The following PLEKHM1 variants were observed in gnomAD, a reference collection of about 807,000 sequenced individuals.
PLEKHM1 encodes pleckstrin homology domain-containing family M member 1.
In PLEKHM1, 28 loss-of-function variants were observed where a neutral mutation model predicts 94.3. The observed-to-expected ratio is 0.30, with a 90% CI of 0.22 to 0.41. The LOEUF (loss-of-function observed/expected upper bound fraction) is 0.41, where lower values mean the gene tolerates loss of function less well. Among genes scored for constraint, PLEKHM1 ranks in the 10% least tolerant of loss-of-function variants. PLEKHM1 has a pLI of 1.00. For missense variants in PLEKHM1, 907 were observed against 1,358.6 expected (o/e 0.67, Z 5.22); for synonymous variants, 424 against 581.2 (o/e 0.73, Z 3.89).
chr17:45,448,595 G>A (rs1048522178), intron 8 of PLEKHM1, among the ~76,000 whole-genome samples: 4 of 152,184 alleles, frequency 2.6e-5, no homozygotes, highest in African/African-American at 7.2e-5. Flanking sequence ...GGGTGGATGG[G>A]TGGGTGAATA....
chr17:45,453,438 G>A lies in PLEKHM1; in HGVS notation c.2414C>T (p.Thr805Ile). 6.2e-7 allele frequency: 1 copy of A among 1,613,084 alleles called. No homozygotes were observed. Among genetic ancestry groups the A allele is most frequent in the Non-Finnish European group, 8.5e-7 (1 of 1,179,520 alleles). The stretch of plus-strand genomic sequence containing the variant: ...CTGCAGCAGGAAGCCATTCTCCCGG[G>A]TGGCAAATTTCAGCACCTCCTGACA... ...ENCQEVLKFA[T>I]RENGFLLQYL... is the part of the protein sequence containing the mutation. The change falls in exon 7 of 12, where the codon ACC (threonine) becomes ATC (isoleucine). Residue 805 changes from threonine (T) to isoleucine (I), a missense_variant. Around this residue, in one of 3 missense-constraint regions of PLEKHM1, gnomAD observed 254 missense variants for 451.1 expected, o/e 0.56. Transcript: ENST00000430334. The surrounding 1 kb of genome is among the most constrained non-coding windows in gnomAD (Gnocchi z 4.1).
chr17:45,469,712 A>G (rs776781405), intron 4 of PLEKHM1, among the ~76,000 whole-genome samples: 10 of 152,200 alleles, frequency 6.6e-5, no homozygotes, highest in African/African-American at 1.7e-4. Context: ...GCTCTGCACC[A>G]TCTTAACCCC....
At chr17:45,464,737 C>T (rs902242236) in intron 5 of PLEKHM1, among the ~76,000 whole-genome samples, 3 of 152,220 alleles carry the variant, frequency 2.0e-5, no homozygotes, top group Non-Finnish European at 4.4e-5. Context: ...TCCCCTGTAG[C>T]TGGCACAGAG....
At chr17:45,442,057 C>T (rs549237479) in intron 9 of PLEKHM1, among the ~76,000 whole-genome samples, 12 of 152,146 alleles carry the variant, frequency 7.9e-5, no homozygotes, top group African/African-American at 2.4e-4. Flanking sequence ...TCCCGGCTGT[C>T]GGGAGGGACA....
chr17:45,460,626 G>T (rs1438716416), intron 5 of PLEKHM1, among the ~76,000 whole-genome samples: 1 of 152,126 alleles, frequency 6.6e-6, no homozygotes, highest in Non-Finnish European at 1.5e-5. Context: ...GCGCAATCAG[G>T]GCTCATTGCA....
intron 9 of PLEKHM1, 150 bp from the exon 10 acceptor site, chr17:45,440,376 G>A (rs2050412249): frequency 1.3e-6 from 1 of 745,398 alleles, no homozygotes; most frequent in Admixed American, 2.0e-5. Context: ...CGGCCTGCCT[G>A]GGCTTGGGGC....
At chr17:45,452,589 T>C (rs1210068538) in intron 7 of PLEKHM1, among the ~76,000 whole-genome samples, 1 of 151,706 alleles carries the variant, frequency 6.6e-6, no homozygotes, top group South Asian at 2.1e-4. Context: ...AGGGTTGTTA[T>C]GAGACTTAAA....
intron 1 of PLEKHM1, among the ~76,000 whole-genome samples, chr17:45,486,191 T>C (rs1598013404): frequency 1.4e-5 from 2 of 139,110 alleles, no homozygotes; most frequent in African/African-American, 5.4e-5. Context: ...CACTCCAGCC[T>C]AGGCGACAGA....
chr17:45,475,581 A>G lies in PLEKHM1; in HGVS notation c.442T>C (p.Tyr148His). The change falls in exon 4 of 12, where the codon TAC becomes CAC. Residue 148 changes from tyrosine to histidine, a missense_variant. Tyr to His is a moderately conservative substitution (Grantham distance 83). Transcript: ENST00000430334. ...CGGAGCAGGGCGGTGGGCTGGTAGT[A>G]CTCATGCAAGCGGGCCTGCTCCTGC... ...LLQEQARLHE[Y>H]YQPTALLRDA... The G allele has an allele frequency of 1.9e-6, 3 of 1,613,792 alleles. No individual in the cohort carries two copies. Among genetic ancestry groups the G allele is most frequent in the Non-Finnish European group, 2.5e-6 (3 of 1,179,828 alleles).
chr17:45,462,020 A>G (rs2051166210), intron 5 of PLEKHM1, among the ~76,000 whole-genome samples: 1 of 152,186 alleles, frequency 6.6e-6, no homozygotes, highest in Admixed American at 6.5e-5. Context: ...TGTTTTGTTA[A>G]GTGCCACTAA....
At chr17:45,461,404 T>C (rs2051148626) in intron 5 of PLEKHM1, among the ~76,000 whole-genome samples, 2 of 152,216 alleles carry the variant, frequency 1.3e-5, no homozygotes, top group African/African-American at 4.8e-5. Context: ...AAAGTCTAGT[T>C]TATCTATTTT....
At chr17:45,441,294 T>C (rs1027542854) in intron 9 of PLEKHM1, among the ~76,000 whole-genome samples, 1 of 152,076 alleles carries the variant, frequency 6.6e-6, no homozygotes, top group African/African-American at 2.4e-5. Context: ...GCATCTGGAA[T>C]GGGGGCTTGG....
At chr17:45,470,412 T>C (rs1300737427) in intron 4 of PLEKHM1, among the ~76,000 whole-genome samples, 28 of 152,290 alleles carry the variant, frequency 1.8e-4, no homozygotes, top group African/African-American at 6.3e-4. Flanking sequence ...GTGGATCACC[T>C]GAGGCCAGGA....
Position 45,453,887 on chromosome 17 carries a change from G to C in PLEKHM1, c.1965C>G (p.Leu655=), listed in dbSNP as rs563592720. ...GCTCCGAGAGCAGGTCTGAGGGAGAGAGGCAGCCCTGGGGCGCCTCGGGGG... is the reference window on the plus strand; with the variant it reads ...GCTCCGAGAGCAGGTCTGAGGGAGACAGGCAGCCCTGGGGCGCCTCGGGGG... ...EEPPEAPQGC[L]SPSDLLSEPA... The change falls in exon 7 of 12, where the codon CTC becomes CTG. Residue 655 remains leucine (L), a synonymous_variant. Coordinates refer to ENST00000430334, the MANE Select transcript of PLEKHM1 (RefSeq NM_014798.3). This position sits in a 1 kb window ranked among gnomAD's most constrained non-coding sequence, Gnocchi z 4.1. The C allele has an allele frequency of 4.3e-6, 7 of 1,613,804 alleles. No individual in the cohort carries two copies. The African/African-American group carries it at 6.7e-5, about 15-fold the overall frequency.
downstream of PLEKHM1, among the ~76,000 whole-genome samples, chr17:45,434,879 G>A (rs973789028): frequency 3.4e-5 from 5 of 145,400 alleles, no homozygotes; most frequent in Admixed American, 7.1e-5. Context: ...TGAGGCAGGA[G>A]AATTGCTTGA....
chr17:45,443,760 C>T (rs547584786), intron 9 of PLEKHM1, among the ~76,000 whole-genome samples: 32 of 152,284 alleles, frequency 2.1e-4, no homozygotes, highest in African/African-American at 7.7e-4. Flanking sequence ...ATTTCACCAC[C>T]TGGTTAGGTG....
intron 9 of PLEKHM1, among the ~76,000 whole-genome samples, chr17:45,442,373 G>A (rs1267458438): frequency 3.3e-5 from 5 of 152,120 alleles, no homozygotes; most frequent in Non-Finnish European, 7.4e-5. Flanking sequence ...TTCACCAACT[G>A]CACTCCACTG....
At chr17:45,442,866 GGGT>G (rs1293712873) in intron 9 of PLEKHM1, among the ~76,000 whole-genome samples, 2 of 152,168 alleles carry the variant, frequency 1.3e-5, no homozygotes, top group Non-Finnish European at 2.9e-5. Flanking sequence ...AGCCCCTCAA[GGGT>G]GTCAGTGAGC....
chr17:45,475,526 C>T lies in PLEKHM1; in HGVS notation c.497G>A (p.Ser166Asn). ...CAAGGACGTGAGGCCCTGCAGGAAG[C>T]TAAGGAGGAACTCGCCCTCCTCAGC... ...RDAEEGEFLL[S>N]FLQGLTSLSF... is the part of the protein sequence containing the mutation. The change falls in exon 4 of 12, where the codon AGC becomes AAC. Residue 166 changes from serine to asparagine, a missense_variant. By Grantham distance (46) the Ser-to-Asn change is conservative. Coordinates refer to ENST00000430334, the MANE Select transcript of PLEKHM1 (RefSeq NM_014798.3). The T allele has an allele frequency of 6.2e-7, 1 of 1,611,626 alleles. No homozygotes were observed.
Sources: gnomAD v4.1 joint callset for allele counts (sites outside exome capture counted in the v4.1 genomes callset) on GRCh38, gnomAD v4.1.1 for gene constraint, gnomAD v4.1.1 regional missense constraint, Gnocchi (gnomAD v3.1) non-coding constraint, MANE v1.5 for transcripts, NCBI Gene and HGNC (gene_info 2026-07-23, HGNC 2026-07-21) for gene names.